The following TNFRSF1A variants were observed in gnomAD, a reference collection of about 807,000 sequenced individuals.
TNFRSF1A encodes the protein tumor necrosis factor receptor superfamily member 1A.
A neutral mutation model predicts 41.6 loss-of-function variants in TNFRSF1A; 9 were observed. That is an observed-to-expected ratio of 0.22 (90% CI 0.13 to 0.38). TNFRSF1A has a LOEUF of 0.38. TNFRSF1A is among the 10% of genes least tolerant of loss of function. The pLI is 1.00. For missense variants in TNFRSF1A, 463 were observed against 591.5 expected (o/e 0.78, Z 2.25); for synonymous variants, 254 against 248.6 (o/e 1.02, Z -0.21).
In TNFRSF1A at chr12:6,329,110, C is replaced by T. The variant is rs201084763; in HGVS notation, c.*202G>A. The T allele has an allele frequency of 2.1e-5, 10 of 473,504 alleles. No individual in the cohort carries two copies. Among genetic ancestry groups the T allele is most frequent in the Admixed American group, 1.3e-4 (3 of 23,762 alleles). 29.3% of individuals were successfully genotyped at this position (473,504 alleles called of 1,614,324 possible). ...CCCACTCAGGCTCTTGAGCCCACGG[C>T]GCACCTCTCTCCGCGCGCACAGCGC... On this transcript the variant is annotated 3_prime_UTR_variant, in exon 10 of 10. Coordinates refer to ENST00000162749, the MANE Select transcript of TNFRSF1A (RefSeq NM_001065.4).
chr12:6,333,306 T>C lies in TNFRSF1A; in HGVS notation c.472+61A>G. 2 of 1,592,630 alleles carry C rather than the reference T, an allele frequency of 1.3e-6. No homozygotes were observed. Among genetic ancestry groups the C allele is most frequent in the Non-Finnish European group, 1.7e-6 (2 of 1,167,590 alleles). ...GGGAAGGAAAGGAAGTGCCACCGCA[T>C]GGGGAAGGGGCCAACCCCTGGGGTG... On this transcript the variant is annotated intron_variant, in intron 4 of 9. Transcript: ENST00000162749. The surrounding 1 kb of genome is among the most constrained non-coding windows in gnomAD (Gnocchi z 6.3).
At position 6,341,840 on chromosome 12, in the gene TNFRSF1A, C is replaced by T; in HGVS notation, c.-26G>A. 1 of 1,614,070 alleles carries T rather than the reference C, an allele frequency of 6.2e-7. No homozygotes were observed. The highest frequency in any genetic ancestry group is 8.5e-7 in the Non-Finnish European group (1 of 1,179,998). Reference sequence around the variant, plus strand: ...GCCAGACAGCTATGGCCTCTCACTCCCCCATTTGGGCTCAGGGCAGTGTGG... The same window carrying T: ...GCCAGACAGCTATGGCCTCTCACTCTCCCATTTGGGCTCAGGGCAGTGTGG... On this transcript the variant is annotated 5_prime_UTR_variant, in exon 1 of 10. Coordinates refer to ENST00000162749, the MANE Select transcript of TNFRSF1A (RefSeq NM_001065.4). This position sits in a 1 kb window ranked among gnomAD's most constrained non-coding sequence, Gnocchi z 4.6.
chr12:6,330,417 G>A (rs573885219), intron 7 of TNFRSF1A, 122 bp from the exon 8 acceptor site: 80 of 1,105,588 alleles, frequency 7.2e-5, no homozygotes, highest in Non-Finnish European at 9.7e-5. Flanking sequence ...CCCCAGGGAC[G>A]AGAGAGCTAC....
In TNFRSF1A at chr12:6,338,579, C is replaced by CT. The variant is rs11344522; in HGVS notation, c.39+3196dup. Among the ~76,000 whole-genome samples, 315 of 136,666 alleles carry CT rather than the reference C, an allele frequency of 2.3e-3. 5 individuals are homozygous for CT. Among genetic ancestry groups the CT allele is most frequent in the Middle Eastern group, 7.4e-3 (2 of 272 alleles). The allele number at this position is 136,666 out of a possible 152,430, so 89.7% of individuals were successfully genotyped here. A position where few individuals can be genotyped will look rare whatever the true frequency, so the allele number is the denominator to read the frequency against. ...GAAGACTTCCACAGATGCCTCACTA[C>CT]TTTTTTTTTTTTTTTTTTGAAACAG... On this transcript the variant is annotated intron_variant, in intron 1 of 9. Coordinates refer to ENST00000162749, the MANE Select transcript of TNFRSF1A (RefSeq NM_001065.4).
chr12:6,335,510 G>A (rs1026105785), intron 1 of TNFRSF1A, among the ~76,000 whole-genome samples: 2 of 152,170 alleles, frequency 1.3e-5, no homozygotes, highest in Admixed American at 1.3e-4. Flanking sequence ...GTCCTGTTCC[G>A]GCATCAGTGC....
In TNFRSF1A at chr12:6,329,124, C is replaced by T. The variant is rs1361035906; in HGVS notation, c.*188G>A. ...TGAGCCCACGGCGCACCTCTCTCCG[C>T]GCGCACAGCGCTGACTGTCGGCGGC... On this transcript the variant is annotated 3_prime_UTR_variant, in exon 10 of 10. Transcript: ENST00000162749. 1.2e-5 allele frequency: 6 copies of T among 516,594 alleles called. No homozygotes were observed. Among genetic ancestry groups the T allele is most frequent in the Non-Finnish European group, 1.9e-5 (6 of 321,706 alleles). 32.0% of individuals were successfully genotyped at this position (516,594 alleles called of 1,614,324 possible).
chr12:6,330,676 C>A lies in TNFRSF1A; in HGVS notation c.661G>T (p.Gly221Cys), dbSNP rs941806623. The A allele has an allele frequency of 6.2e-7, 1 of 1,613,822 alleles. No individual in the cohort carries two copies. Among genetic ancestry groups the A allele is most frequent in the African/African-American group, 1.3e-5 (1 of 74,870 alleles). Residue 221 changes from glycine (G) to cysteine (C), a missense_variant, in exon 7 of 10, where the codon GGT becomes TGT. By Grantham distance (159) the Gly-to-Cys change is radical. Around this residue, in one of 4 missense-constraint regions of TNFRSF1A, gnomAD observed 149 missense variants for 239.4 expected, o/e 0.62. Transcript: ENST00000162749. ...TVLLPLVIFF[G>C]LCLLSLLFIG... Reference sequence around the variant, plus strand: ...AAGAGGAGGGATAAAAGGCAAAGACCAAAGAAAATGACCAGGGGCAACAGC... The same window carrying A: ...AAGAGGAGGGATAAAAGGCAAAGACAAAAGAAAATGACCAGGGGCAACAGC...
Position 6,339,841 on chromosome 12 carries a change from T to TCTCACA in TNFRSF1A, c.39+1934_39+1935insTGTGAG, listed in dbSNP as rs762783221. Among the ~76,000 whole-genome samples, 971 of 113,696 alleles carry TCTCACA rather than the reference T, an allele frequency of 8.5e-3. 10 individuals carry two copies. Among genetic ancestry groups the TCTCACA allele is most frequent in the African/African-American group, 0.034 (841 of 24,780 alleles). 74.6% of individuals were successfully genotyped at this position (113,696 alleles called of 152,430 possible). ...TTCTCTCTCTCTCTCTCTCTCTCTC[T>TCTCACA]CACACACACACACACACACACACAC... On this transcript the variant is annotated intron_variant, in intron 1 of 9. Transcript: ENST00000162749.
chr12:6,329,864 A>G lies in TNFRSF1A; in HGVS notation c.971T>C (p.Ile324Thr). The G allele has an allele frequency of 6.3e-7, 1 of 1,597,810 alleles. No homozygotes were observed. The highest frequency in any genetic ancestry group is 1.1e-5 in the South Asian group (1 of 89,066). The change falls in exon 9 of 10, where the codon ATC becomes ACC. Residue 324 changes from isoleucine to threonine, a missense_variant. This residue lies in a region of TNFRSF1A where 277 missense variants were observed against 288.8 expected (regional missense o/e 0.96). Transcript: ENST00000162749. Reference protein sequence around the residue: ...VAPPYQGADPILATALASDPI... With the variant: ...VAPPYQGADPTLATALASDPI... ...GTCGGAGGCGAGGGCTGTCGCAAGG[A>G]TGGGGTCAGCCCCCTGATAGGGTGG... is the stretch of plus-strand genomic sequence containing the variant.
In TNFRSF1A at chr12:6,330,860, C is replaced by T. The variant is rs751413473; in HGVS notation, c.618G>A (p.Glu206=). The T allele has an allele frequency of 6.2e-7, 1 of 1,613,798 alleles. No homozygotes were observed. The highest frequency in any genetic ancestry group is 8.5e-7 in the Non-Finnish European group (1 of 1,179,980). The change falls in exon 6 of 10, where the codon GAG becomes GAA. Residue 206 remains glutamate (E), a synonymous_variant. Coordinates refer to ENST00000162749, the MANE Select transcript of TNFRSF1A (RefSeq NM_001065.4). The part of the protein sequence containing the change: ...LPQIENVKGT[E]DSGTTVLLPL... ...CAGGTCACTTCTCCTCACCTGAGTC[C>T]TCAGTGCCCTTAACATTCTCAATCT...
Position 6,333,561 on chromosome 12 carries a change from C to G in TNFRSF1A, c.323-45G>C, listed in dbSNP as rs372778528. On this transcript the variant is annotated intron_variant, in intron 3 of 9. Transcript: ENST00000162749. The surrounding 1 kb of genome is among the most constrained non-coding windows in gnomAD (Gnocchi z 6.3). ...GGGTATGAGTCCTGCATCCTCCTGT[C>G]CCTGCATCCCCTTCCTGACATACCC... is the stretch of plus-strand genomic sequence containing the variant. The G allele has an allele frequency of 4.8e-5, 77 of 1,612,992 alleles. No individual in the cohort carries two copies. The highest frequency in any genetic ancestry group is 6.4e-5 in the Non-Finnish European group (75 of 1,179,438).
intron 5 of TNFRSF1A, among the ~76,000 whole-genome samples, chr12:6,332,306 G>A (rs1948060398): frequency 1.3e-5 from 2 of 151,916 alleles, no homozygotes; most frequent in African/African-American, 4.8e-5. Flanking sequence ...GGGTGTAGTG[G>A]TGTGTGCCTC....
Position 6,329,890 on chromosome 12 carries a change from T to A in TNFRSF1A, c.945A>T (p.Ala315=), listed in dbSNP as rs760756774. 18 of 1,583,772 alleles carry A rather than the reference T, an allele frequency of 1.1e-5. No individual in the cohort carries two copies. Among genetic ancestry groups the A allele is most frequent in the Middle Eastern group, 1.7e-4 (1 of 5,960 alleles). ...TGGGGTCAGCCCCCTGATAGGGTGG[T>A]GCCACCTCTCTGCGGGGAGCCGCAA... ...PNFAAPRREV[A]PPYQGADPIL... is the part of the protein sequence containing the mutation. The change falls in exon 9 of 10, where the codon GCA becomes GCT. Residue 315 remains alanine, a synonymous_variant. Coordinates refer to ENST00000162749, the MANE Select transcript of TNFRSF1A (RefSeq NM_001065.4).
chr12:6,331,102 A>C, intron 5 of TNFRSF1A, 176 bp from the exon 6 acceptor site: 1 of 662,002 alleles, frequency 1.5e-6, no homozygotes, highest in Non-Finnish European at 2.7e-6. Context: ...AGAATCATTT[A>C]ATTTTAGAAT....
Position 6,330,282 on chromosome 12 carries a change from C to A in TNFRSF1A, c.753G>T (p.Ser251=). The A allele has an allele frequency of 1.9e-6, 3 of 1,613,932 alleles. No homozygotes were observed. Among genetic ancestry groups the A allele is most frequent in the Non-Finnish European group, 2.5e-6 (3 of 1,179,894 alleles). The part of the protein sequence containing the change: ...SKLYSIVCGK[S]TPEKEGELEG... Reference sequence around the variant, plus strand: ...TTCATCTCACCTCTTTTTCAGGTGTCGATTTCCCACAAACTGAGGAAAAAG... The same window carrying A: ...TTCATCTCACCTCTTTTTCAGGTGTAGATTTCCCACAAACTGAGGAAAAAG... Residue 251 remains serine, a synonymous_variant, in exon 8 of 10, where the codon TCG becomes TCT. Coordinates refer to ENST00000162749, the MANE Select transcript of TNFRSF1A (RefSeq NM_001065.4).
rs1216921031 is a variant in TNFRSF1A, at chr12:6,337,628, C to T, written c.40-3384G>A. The stretch of plus-strand genomic sequence containing the variant: ...CCATTGACGATGTCTGTTTCCTCCA[C>T]CCCGGCTCCTTAGACCCATAGTCCC... On this transcript the variant is annotated intron_variant, in intron 1 of 9. Transcript: ENST00000162749. The surrounding 1 kb of genome is among the most constrained non-coding windows in gnomAD (Gnocchi z 4.6). Among the ~76,000 whole-genome samples, 5 of 152,210 alleles carry T rather than the reference C, an allele frequency of 3.3e-5. No homozygotes were observed. Among genetic ancestry groups the T allele is most frequent in the Non-Finnish European group, 7.3e-5 (5 of 68,040 alleles).
intron 8 of TNFRSF1A, 68 bp from the exon 9 acceptor site, chr12:6,330,134 C>G: frequency 6.2e-7 from 1 of 1,611,278 alleles, no homozygotes; most frequent in Non-Finnish European, 8.5e-7. Flanking sequence ...CTTTATTCTA[C>G]GTGGGGGTTG....
chr12:6,331,259 G>T, intron 5 of TNFRSF1A: 1 of 417,244 alleles, frequency 2.4e-6, no homozygotes, highest in Non-Finnish European at 4.5e-6. Flanking sequence ...CACAGGGATC[G>T]CCCACCTCTC....
intron 1 of TNFRSF1A, among the ~76,000 whole-genome samples, chr12:6,336,179 C>G (rs534424152): frequency 6.6e-6 from 1 of 152,308 alleles, no homozygotes; most frequent in East Asian, 1.9e-4. Context: ...CCCAGACAGC[C>G]TTAAAGGGAG....
Sources: allele counts gnomAD v4.1 joint callset (sites outside exome capture counted in the v4.1 genomes callset), GRCh38; gene constraint gnomAD v4.1.1; regional missense constraint gnomAD v4.1.1; non-coding constraint Gnocchi (gnomAD v3.1); transcripts MANE v1.5; gene names NCBI Gene and HGNC (gene_info 2026-07-23, HGNC 2026-07-21).